The following SFSWAP variants were observed in gnomAD, a reference collection of about 807,000 sequenced individuals.
The protein encoded by SFSWAP is splicing factor, suppressor of white-apricot homolog.
SFSWAP carries 17 observed loss-of-function variants against 100.7 expected under a neutral mutation model. The ratio of observed to expected loss-of-function variants is 0.17; its 90% CI spans 0.12 to 0.25. The LOEUF (loss-of-function observed/expected upper bound fraction) is 0.25, where lower values mean the gene tolerates loss of function less well. Ranked by LOEUF, SFSWAP falls within the 10% of genes least tolerant of loss-of-function variation. The pLI is 1.00. For missense variants in SFSWAP, 1,005 were observed against 1,262.6 expected, an observed-to-expected ratio of 0.80 and a Z score of 3.09; for synonymous variants, 504 against 510.1, an observed-to-expected ratio of 0.99 and a Z score of 0.16.
At chr12:131,776,579 C>T (rs1884042710) in intron 13 of SFSWAP, among the ~76,000 whole-genome samples, 1 of 152,186 alleles carries the variant, frequency 6.6e-6, no homozygotes, top group Non-Finnish European at 1.5e-5. Context: ...CTTGCCACAG[C>T]GGACCTAAGG....
In SFSWAP at chr12:131,734,950, A is replaced by G. The variant is rs1879863438; in HGVS notation, c.1081+6522A>G. Among the ~76,000 whole-genome samples, 2 of 152,192 alleles carry G rather than the reference A, an allele frequency of 1.3e-5. No homozygotes were observed. The highest frequency in any genetic ancestry group is 4.8e-5 in the African/African-American group (2 of 41,454). ...GGGGGGCCCGCTCCGAGAGACAGAC[A>G]GGTCAGGCCGGAAGCGACTGTCCGT... On this transcript the variant is annotated intron_variant, in intron 7 of 17. Coordinates refer to ENST00000261674, the MANE Select transcript of SFSWAP (RefSeq NM_004592.4). The surrounding 1 kb of genome is among the most constrained non-coding windows in gnomAD (Gnocchi z 4.9).
intron 7 of SFSWAP, among the ~76,000 whole-genome samples, chr12:131,747,036 A>G (rs10902441): frequency 0.11 from 16,252 of 150,554 alleles, 1,574 homozygotes; most frequent in East Asian, 0.28. Context: ...CCCGGGAGGC[A>G]GAGCTTGCAG....
At chr12:131,748,969 C>T (rs1358437956) in intron 7 of SFSWAP, among the ~76,000 whole-genome samples, 3 of 152,212 alleles carry the variant, frequency 2.0e-5, no homozygotes, top group African/African-American at 4.8e-5. Context: ...AGAACAGCAA[C>T]AAACCTAACA....
intron 7 of SFSWAP, among the ~76,000 whole-genome samples, chr12:131,738,885 C>CTTTTTTTATTTTTTTTTTTTTTT (rs1880306264): frequency 2.1e-5 from 1 of 48,718 alleles, no homozygotes; most frequent in Non-Finnish European, 4.1e-5. Context: ...GAACATTATT[C>CTTTTTTTATTTTTTTTTTTTTTT]TTTTTTTTTT....
rs550828840 is a variant in SFSWAP, at chr12:131,778,798, C to A, written c.2408+468C>A. On this transcript the variant is annotated intron_variant, in intron 14 of 17. Coordinates refer to ENST00000261674, the MANE Select transcript of SFSWAP (RefSeq NM_004592.4). The surrounding 1 kb of genome is among the most constrained non-coding windows in gnomAD (Gnocchi z 4.2). Reference sequence around the variant, plus strand: ...CTCCCAGAGTGCTGGGATTACAGGCCTAAGCCACCGCGCAGGCCTATACTT... The same window carrying A: ...CTCCCAGAGTGCTGGGATTACAGGCATAAGCCACCGCGCAGGCCTATACTT... Among the ~76,000 whole-genome samples the A allele has an allele frequency of 1.4e-4, 21 of 152,160 alleles. No individual in the cohort carries two copies. The highest frequency in any genetic ancestry group is 1.0e-3 in the Admixed American group (16 of 15,290).
chr12:131,795,843 T>G (rs1037115588), intron 15 of SFSWAP, among the ~76,000 whole-genome samples: 1 of 150,850 alleles, frequency 6.6e-6, no homozygotes, highest in Non-Finnish European at 1.5e-5. Flanking sequence ...TTGAGCAGTT[T>G]GGGTCCACCT....
chr12:131,774,215 G>C (rs962315335), intron 13 of SFSWAP, among the ~76,000 whole-genome samples: 1 of 152,212 alleles, frequency 6.6e-6, no homozygotes, highest in Non-Finnish European at 1.5e-5. Flanking sequence ...TGAAGGGATG[G>C]AGAGCAACGC....
intron 14 of SFSWAP, among the ~76,000 whole-genome samples, chr12:131,782,058 GCC>G (rs1213907354): frequency 6.6e-6 from 1 of 152,208 alleles, no homozygotes; most frequent in Middle Eastern, 3.2e-3. Context: ...AGCTAGTCAA[GCC>G]CCAGATGCTT....
chr12:131,774,619 G>T (rs2136249848), intron 13 of SFSWAP, among the ~76,000 whole-genome samples: 1 of 152,288 alleles, frequency 6.6e-6, no homozygotes, highest in African/African-American at 2.4e-5. Context: ...GGCAGCTGTG[G>T]TTTCTGGGAA....
At chr12:131,769,062 G>A (rs1272916844) in intron 13 of SFSWAP, among the ~76,000 whole-genome samples, 3 of 152,204 alleles carry the variant, frequency 2.0e-5, no homozygotes, top group South Asian at 2.1e-4. Flanking sequence ...GGCAGGCAGA[G>A]GTTGCAGTGA....
chr12:131,738,873 A>T (rs1593131465), intron 7 of SFSWAP, among the ~76,000 whole-genome samples: 1 of 78,188 alleles, frequency 1.3e-5, no homozygotes, highest in South Asian at 3.9e-4. Context: ...CAGTGCTGTA[A>T]TGAACATTAT....
intron 7 of SFSWAP, among the ~76,000 whole-genome samples, chr12:131,742,266 T>C (rs1355189365): frequency 6.6e-6 from 1 of 152,200 alleles, no homozygotes; most frequent in East Asian, 1.9e-4. Context: ...GGCCCAGGTC[T>C]CACTTCAGCC....
chr12:131,766,104 G>A lies in SFSWAP; in HGVS notation c.1952-14G>A, dbSNP rs142455080. The A allele has an allele frequency of 6.3e-7, 1 of 1,586,684 alleles. No individual in the cohort carries two copies. On this transcript the variant is annotated splice_polypyrimidine_tract_variant and intron_variant, in intron 12 of 17. Transcript: ENST00000261674. The stretch of plus-strand genomic sequence containing the variant: ...TGCTCTAAACTTCTCTTTTTTCTTT[G>A]TTTATTCCTTAAGCAAAGCAAAAGC...
chr12:131,736,185 G>A (rs1879998799), intron 7 of SFSWAP, among the ~76,000 whole-genome samples: 1 of 152,138 alleles, frequency 6.6e-6, no homozygotes, highest in Admixed American at 6.5e-5. Context: ...TAAAAATAAG[G>A]ACGGAGAAAA....
intron 13 of SFSWAP, among the ~76,000 whole-genome samples, chr12:131,771,309 C>A (rs1292299943): frequency 6.6e-6 from 1 of 152,142 alleles, no homozygotes; most frequent in East Asian, 1.9e-4. Flanking sequence ...TAAATCACCC[C>A]CTCTGTGTGT....
intron 14 of SFSWAP, among the ~76,000 whole-genome samples, chr12:131,779,240 T>TGAGC: frequency 6.7e-6 from 1 of 148,374 alleles, no homozygotes; most frequent in African/African-American, 2.5e-5. Context: ...GGTGAGCGTG[T>TGAGC]GTGAAGAGGG....
chr12:131,723,810 AG>A (rs1878705821), intron 4 of SFSWAP, among the ~76,000 whole-genome samples: 2 of 152,208 alleles, frequency 1.3e-5, no homozygotes, highest in South Asian at 4.1e-4. Flanking sequence ...TTTCCAGGGA[AG>A]GGGAGGAGGT....
chr12:131,774,964 T>C (rs1374617147), intron 13 of SFSWAP, among the ~76,000 whole-genome samples: 1 of 152,074 alleles, frequency 6.6e-6, no homozygotes, highest in Non-Finnish European at 1.5e-5. Context: ...AAGTTGGCAG[T>C]AGAAATATGA....
intron 4 of SFSWAP, among the ~76,000 whole-genome samples, chr12:131,722,269 A>G (rs1362302702): frequency 6.6e-6 from 1 of 152,204 alleles, no homozygotes; most frequent in Non-Finnish European, 1.5e-5. Flanking sequence ...GTTAGAAATT[A>G]CAGCACCCCA....
Sources: allele counts gnomAD v4.1 joint callset (sites outside exome capture counted in the v4.1 genomes callset), GRCh38; gene constraint gnomAD v4.1.1; non-coding constraint Gnocchi (gnomAD v3.1); transcripts MANE v1.5; gene names NCBI Gene and HGNC (gene_info 2026-07-23, HGNC 2026-07-21).